HIP1R: variants seen among roughly 807,000 people sequenced by gnomAD.
HIP1R encodes huntingtin interacting protein 1 related.
In HIP1R, 135 loss-of-function variants were observed where a neutral mutation model predicts 144.2. The ratio of observed to expected loss-of-function variants is 0.94; its 90% CI spans 0.81 to 1.08. HIP1R has a LOEUF of 1.08. Among genes scored for constraint, HIP1R ranks in the 50% least tolerant of loss-of-function variants. The pLI is 0.00. For missense variants in HIP1R, 1,462 were observed against 1,432.8 expected (o/e 1.02, Z -0.33); for synonymous variants, 698 against 612.8 (o/e 1.14, Z -2.05).
chr12:122,857,334 A>C, intron 18 of HIP1R, 119 bp downstream of exon 18: 1 of 961,882 alleles, frequency 1.0e-6, no homozygotes, highest in Admixed American at 2.0e-5. Flanking sequence ...TACACGATGC[A>C]TCCTTTTGTG....
intron 5 of HIP1R, 49 bp downstream of exon 5, chr12:122,850,004 C>A: frequency 7.8e-7 from 1 of 1,289,164 alleles, no homozygotes; most frequent in South Asian, 1.2e-5. Context: ...TGGGCTTTTC[C>A]CACTGTGACG....
chr12:122,848,460 T>C lies in HIP1R; in HGVS notation c.158-6T>C. On this transcript the variant is annotated splice_polypyrimidine_tract_variant and splice_region_variant and intron_variant, in intron 2 of 31. Coordinates refer to ENST00000253083, the MANE Select transcript of HIP1R (RefSeq NM_003959.3). ...TCTGCTTCCACACTTGGCCTTGACA[T>C]TGCAGGCATCATTCTGGGCACACAC... 1 of 1,608,980 alleles carries C rather than the reference T, an allele frequency of 6.2e-7. No individual in the cohort carries two copies. Among genetic ancestry groups the C allele is most frequent in the Non-Finnish European group, 8.5e-7 (1 of 1,177,306 alleles).
rs1198078932 is a variant in HIP1R, at chr12:122,861,348, G to C, written c.2993G>C (p.Arg998Pro). The change falls in exon 31 of 32, where the codon CGC becomes CCC. Residue 998 changes from arginine (R) to proline (P), a missense_variant. This residue lies in a region of HIP1R where 1,112 missense variants were observed against 1,011.7 expected (regional missense o/e 1.10). Transcript: ENST00000253083. ...CTGGAGAAGACGCTGGAGGCTGAACGCATGCGGCTGGGGGAGTTGCGGAAG... is the reference window on the plus strand; with the variant it reads ...CTGGAGAAGACGCTGGAGGCTGAACCCATGCGGCTGGGGGAGTTGCGGAAG... ...LELEKTLEAERMRLGELRKQH... is the reference protein window; with the variant it reads ...LELEKTLEAEPMRLGELRKQH... 2 of 1,613,668 alleles carry C rather than the reference G, an allele frequency of 1.2e-6. No individual in the cohort carries two copies.
In HIP1R at chr12:122,836,279, C is replaced by T. The variant is rs1409771283; in HGVS notation, c.93+636C>T. On this transcript the variant is annotated intron_variant, in intron 1 of 31. Transcript: ENST00000253083. The surrounding 1 kb of genome is among the most constrained non-coding windows in gnomAD (Gnocchi z 4.1). ...CTCGTATGTCGCCAGACTTGTTTGC[C>T]CGAGCGCTGCCCACGTATAAATAGG... Among the ~76,000 whole-genome samples, 1 of 152,154 alleles carries T rather than the reference C, an allele frequency of 6.6e-6. No homozygotes were observed. Among genetic ancestry groups the T allele is most frequent in the Non-Finnish European group, 1.5e-5 (1 of 68,026 alleles).
chr12:122,862,067 A>G lies in HIP1R; in HGVS notation c.*314A>G, dbSNP rs1182779025. 1 of 362,984 alleles carries G rather than the reference A, an allele frequency of 2.8e-6. No individual in the cohort carries two copies. The allele number at this position is 362,984 out of a possible 1,614,324, so 22.5% of individuals were successfully genotyped here. A position where few individuals can be genotyped will look rare whatever the true frequency, so the allele number is the denominator to read the frequency against. On this transcript the variant is annotated 3_prime_UTR_variant, in exon 32 of 32. Coordinates refer to ENST00000253083, the MANE Select transcript of HIP1R (RefSeq NM_003959.3). ...TCCTCTTCAGAAAATAGTGTTTTTA[A>G]TATTCCGAGCTAGAGCTCTTCTTCC...
In HIP1R at chr12:122,836,404, A is replaced by G. The variant is rs1318852240; in HGVS notation, c.93+761A>G. ...CTTGTAACTCTTCCAGATGATGCCT[A>G]TCCTGGGAAGGCGTTAGAAATGAAA... is the stretch of plus-strand genomic sequence containing the variant. On this transcript the variant is annotated intron_variant, in intron 1 of 31. Transcript: ENST00000253083. The surrounding 1 kb of genome is among the most constrained non-coding windows in gnomAD (Gnocchi z 4.1). Among the ~76,000 whole-genome samples the G allele has an allele frequency of 6.6e-6, 1 of 151,888 alleles. No individual in the cohort carries two copies. Among genetic ancestry groups the G allele is most frequent in the Non-Finnish European group, 1.5e-5 (1 of 67,998 alleles).
intron 17 of HIP1R, 110 bp from the exon 18 acceptor site, chr12:122,856,882 CCTACCGCTGGTCCTCAGGGAGCCCTGAGT>C (rs2033599286): frequency 9.6e-7 from 1 of 1,045,702 alleles, no homozygotes; most frequent in Admixed American, 2.1e-5. Flanking sequence ...GGAGACAGGA[CCTACCGCTGGTCCTCAGGGAGCCCTGAGT>C]CTAATGGAAG....
In HIP1R at chr12:122,861,209, G is replaced by GT. The variant is rs1555263997; in HGVS notation, c.2952+17_2952+18insT. On this transcript the variant is annotated intron_variant, in intron 30 of 31. Coordinates refer to ENST00000253083, the MANE Select transcript of HIP1R (RefSeq NM_003959.3). The stretch of plus-strand genomic sequence containing the variant: ...GAGACCCAGGTAGGCGCCCATGGCT[G>GT]CCCCGTGACCTCTGAGCTCATCCCT... 2.5e-6 allele frequency: 4 copies of GT among 1,612,466 alleles called. No homozygotes were observed. Among genetic ancestry groups the GT allele is most frequent in the South Asian group, 2.2e-5 (2 of 91,050 alleles).
intron 1 of HIP1R, among the ~76,000 whole-genome samples, chr12:122,844,681 G>A (rs534356804): frequency 4.6e-5 from 7 of 152,314 alleles, no homozygotes; most frequent in East Asian, 3.9e-4. Context: ...GCTGAGTAGC[G>A]GACAGACCCC....
upstream of HIP1R, chr12:122,835,058 G>C: frequency 8.2e-7 from 1 of 1,221,302 alleles, no homozygotes; most frequent in Non-Finnish European, 1.1e-6. Context: ...TCCCTACCCT[G>C]GGTGGAAGGA....
chr12:122,836,001 T>C lies in HIP1R; in HGVS notation c.93+358T>C, dbSNP rs1317358953. Among the ~76,000 whole-genome samples the C allele has an allele frequency of 3.3e-5, 5 of 150,392 alleles. No homozygotes were observed. Among genetic ancestry groups the C allele is most frequent in the Non-Finnish European group, 7.4e-5 (5 of 67,494 alleles). On this transcript the variant is annotated intron_variant, in intron 1 of 31. Coordinates refer to ENST00000253083, the MANE Select transcript of HIP1R (RefSeq NM_003959.3). This position sits in a 1 kb window ranked among gnomAD's most constrained non-coding sequence, Gnocchi z 4.1. ...ACGGAGATGGGGCCGGGGTTGGGTG[T>C]GCGCGAGCCCAGCGCGCCGGGGGTC...
intron 1 of HIP1R, among the ~76,000 whole-genome samples, chr12:122,837,318 ATTTT>A (rs200083960): frequency 7.1e-6 from 1 of 140,120 alleles, no homozygotes; most frequent in African/African-American, 2.6e-5. Context: ...AAGAAGGTGG[ATTTT>A]TTTTTTTTTT....
At chr12:122,846,487 A>G (rs1468067449) in intron 1 of HIP1R, among the ~76,000 whole-genome samples, 2 of 151,936 alleles carry the variant, frequency 1.3e-5, no homozygotes, top group African/African-American at 4.8e-5. Context: ...GGGGCATGAC[A>G]CTCTCAGCCA....
chr12:122,840,570 G>A lies in HIP1R; in HGVS notation c.93+4927G>A, dbSNP rs1020616307. Among the ~76,000 whole-genome samples the A allele has an allele frequency of 3.3e-5, 5 of 152,328 alleles. No individual in the cohort carries two copies. The East Asian group carries it at 5.8e-4, about 18-fold the overall frequency. The stretch of plus-strand genomic sequence containing the variant: ...TAGTGCCTGGTGTGTAGTGAATGCC[G>A]TGTAAGTGTTGGCTGTTATGTTGTG... On this transcript the variant is annotated intron_variant, in intron 1 of 31. Coordinates refer to ENST00000253083, the MANE Select transcript of HIP1R (RefSeq NM_003959.3). The surrounding 1 kb of genome is among the most constrained non-coding windows in gnomAD (Gnocchi z 4.2).
intron 1 of HIP1R, among the ~76,000 whole-genome samples, chr12:122,847,465 C>T (rs2033241787): frequency 6.6e-6 from 1 of 152,216 alleles, no homozygotes; most frequent in Admixed American, 6.5e-5. Context: ...GCAGCAGGAG[C>T]TTGACACAGT....
intron 8 of HIP1R, 24 bp from the exon 9 acceptor site, chr12:122,854,879 CCT>C (rs762846828): frequency 1.2e-6 from 2 of 1,611,028 alleles, no homozygotes; most frequent in Non-Finnish European, 1.7e-6. Context: ...GCAGAGAAGT[CCT>C]GTTACACTTG....
At chr12:122,837,235 G>A (rs1427302614) in intron 1 of HIP1R, among the ~76,000 whole-genome samples, 1 of 152,142 alleles carries the variant, frequency 6.6e-6, no homozygotes, top group Non-Finnish European at 1.5e-5. Flanking sequence ...AGAAGTCAAG[G>A]GCAACCTTCC....
chr12:122,835,726 C>T, intron 1 of HIP1R, 83 bp downstream of exon 1: 1 of 877,906 alleles, frequency 1.1e-6, no homozygotes, highest in Non-Finnish European at 1.4e-6. Context: ...GCGCGAACGG[C>T]TGGGGCCCGG....
intron 1 of HIP1R, among the ~76,000 whole-genome samples, chr12:122,838,617 G>C (rs1468623486): frequency 6.6e-6 from 1 of 152,232 alleles, no homozygotes; most frequent in Non-Finnish European, 1.5e-5. Flanking sequence ...GTGTAAGAGA[G>C]AGACCGTGTG....
Sources: gnomAD v4.1 joint callset for allele counts (sites outside exome capture counted in the v4.1 genomes callset) on GRCh38, gnomAD v4.1.1 for gene constraint, gnomAD v4.1.1 regional missense constraint, Gnocchi (gnomAD v3.1) non-coding constraint, MANE v1.5 for transcripts, NCBI Gene and HGNC (gene_info 2026-07-23, HGNC 2026-07-21) for gene names.